DACH2: variants seen among roughly 807,000 people sequenced by gnomAD.
The protein encoded by DACH2 is dachshund homolog 2.
Under a neutral mutation model 35.8 loss-of-function variants are expected in DACH2, and 17 were observed. The observed-to-expected ratio is 0.48, with a 90% CI of 0.33 to 0.71. The LOEUF (loss-of-function observed/expected upper bound fraction) is 0.71. Among genes scored for constraint, DACH2 ranks in the 30% least tolerant of loss-of-function variants. The pLI, the probability that DACH2 is intolerant of heterozygous loss-of-function variation, is 0.02. For synonymous variants in DACH2, 195 were observed against 177.3 expected, an observed-to-expected ratio of 1.10 and a Z score of -0.79; for missense variants, 469 against 472.7, an observed-to-expected ratio of 0.99 and a Z score of 0.07.
At chrX:86,487,504 A>C (rs2038034970) in intron 2 of DACH2, among the ~76,000 whole-genome samples, 1 of 111,653 alleles carries the variant, frequency 9.0e-6, no homozygotes, top group Non-Finnish European at 1.9e-5. Flanking sequence ...GTCAGTAAAT[A>C]TTTATTTAAT....
chrX:86,758,904 T>C (rs2041853938), intron 7 of DACH2, among the ~76,000 whole-genome samples: 1 of 112,701 alleles, frequency 8.9e-6, no homozygotes, highest in African/African-American at 3.2e-5. Flanking sequence ...ATTTATCCTT[T>C]GTATTACAAA....
rs775767060 is a variant in DACH2, at chrX:86,355,297, T to C, written c.489-21527T>C. On this transcript the variant is annotated intron_variant, in intron 1 of 11. Coordinates refer to ENST00000373125, the MANE Select transcript of DACH2 (RefSeq NM_053281.3). ...CCATACATATACACATCTTTGCTATTGTGAATAGTGTGGCGATGAGCATAT... is the reference window on the plus strand; with the variant it reads ...CCATACATATACACATCTTTGCTATCGTGAATAGTGTGGCGATGAGCATAT... 2.7e-5 allele frequency among the ~76,000 whole-genome samples: 3 copies of C among 111,979 alleles called. No homozygotes were observed. In the East Asian group the frequency reaches 8.5e-4, roughly 32 times the overall value.
intron 6 of DACH2, among the ~76,000 whole-genome samples, chrX:86,738,611 T>C (rs760405204): frequency 1.8e-5 from 2 of 112,052 alleles, no homozygotes; most frequent in South Asian, 3.7e-4. Flanking sequence ...GGTTCTTTTA[T>C]TGATCAAATT....
At chrX:86,399,861 G>A (rs764147304) in intron 2 of DACH2, among the ~76,000 whole-genome samples, 1 of 110,986 alleles carries the variant, frequency 9.0e-6, no homozygotes, top group South Asian at 3.9e-4. Context: ...TATGTGTCTT[G>A]GACTTGCTGT....
At chrX:86,379,297 G>T (rs1020893756) in intron 2 of DACH2, among the ~76,000 whole-genome samples, 2 of 110,871 alleles carry the variant, frequency 1.8e-5, no homozygotes, top group Non-Finnish European at 3.8e-5. Context: ...ATAAAACAAA[G>T]TTGGTCATCT....
At chrX:86,411,690 C>T (rs966182794) in intron 2 of DACH2, among the ~76,000 whole-genome samples, 6 of 111,535 alleles carry the variant, frequency 5.4e-5, no homozygotes, top group Non-Finnish European at 7.5e-5. Context: ...TTAGTACAAG[C>T]GTATACATGC....
intron 1 of DACH2, among the ~76,000 whole-genome samples, chrX:86,157,363 T>C (rs1046958421): frequency 9.0e-6 from 1 of 111,576 alleles, no homozygotes; most frequent in African/African-American, 3.3e-5. Flanking sequence ...GCTATTTATG[T>C]GATGGGTTAA....
intron 1 of DACH2, among the ~76,000 whole-genome samples, chrX:86,209,288 G>C (rs1410970600): frequency 9.0e-6 from 1 of 111,392 alleles, no homozygotes; most frequent in Non-Finnish European, 1.9e-5. Context: ...CCCTTGAGTA[G>C]ATAACATCTT....
At chrX:86,296,920 T>A (rs182961789) in intron 1 of DACH2, among the ~76,000 whole-genome samples, 6 of 109,414 alleles carry the variant, frequency 5.5e-5, no homozygotes, top group Non-Finnish European at 1.1e-4. Flanking sequence ...AACAGGGATG[T>A]AGCACATATA....
chrX:86,331,955 G>A (rs892609041), intron 1 of DACH2, among the ~76,000 whole-genome samples: 1 of 111,482 alleles, frequency 9.0e-6, no homozygotes, highest in African/African-American at 3.3e-5. Context: ...GCGTTTATAA[G>A]ACTCAGTTTG....
chrX:86,826,898 G>A (rs749504469), intron 11 of DACH2, among the ~76,000 whole-genome samples: 2 of 112,077 alleles, frequency 1.8e-5, no homozygotes, highest in South Asian at 7.3e-4. Context: ...TAAATCAGAA[G>A]CACAGCACTA....
chrX:86,782,469 C>A (rs1371399825), intron 7 of DACH2, among the ~76,000 whole-genome samples: 1 of 111,120 alleles, frequency 9.0e-6, no homozygotes, highest in Non-Finnish European at 1.9e-5. Context: ...GCAAAAAGAA[C>A]AGAACTGGTG....
chrX:86,717,310 A>G (rs2041348549), intron 6 of DACH2, among the ~76,000 whole-genome samples: 1 of 111,160 alleles, frequency 9.0e-6, no homozygotes, highest in African/African-American at 3.3e-5. Flanking sequence ...GTTCCCACTT[A>G]TAAGTGAGAA....
In DACH2 at chrX:86,678,976, A is replaced by C. The variant is rs367643095; in HGVS notation, c.773-16045A>C. The stretch of plus-strand genomic sequence containing the variant: ...GTTCCCTTGGTATCTTAGGTTCCAG[A>C]TCTCCATGTCCTTTTATCCTCTCCT... On this transcript the variant is annotated intron_variant, in intron 4 of 11. Transcript: ENST00000373125. Among the ~76,000 whole-genome samples the C allele has an allele frequency of 2.7e-4, 30 of 111,356 alleles. No individual in the cohort carries two copies. The East Asian group carries it at 3.4e-3, about 13-fold the overall frequency.
rs775756068 is a variant in DACH2, at chrX:86,324,888, A to G, written c.489-51936A>G. 1.3e-4 allele frequency among the ~76,000 whole-genome samples: 14 copies of G among 110,771 alleles called. No homozygotes were observed. The South Asian group carries it at 5.5e-3, about 43-fold the overall frequency. ...TCAGCAGATCCCACCGTGATCAGTCAGAAGCCATCAACATATAGGACCAGC... is the reference window on the plus strand; with the variant it reads ...TCAGCAGATCCCACCGTGATCAGTCGGAAGCCATCAACATATAGGACCAGC... On this transcript the variant is annotated intron_variant, in intron 1 of 11. Transcript: ENST00000373125.
intron 1 of DACH2, among the ~76,000 whole-genome samples, chrX:86,373,013 T>C (rs1273477813): frequency 9.0e-6 from 1 of 111,347 alleles, no homozygotes; most frequent in Non-Finnish European, 1.9e-5. Flanking sequence ...TTTTGTTCTT[T>C]TTTATGGCTG....
intron 1 of DACH2, among the ~76,000 whole-genome samples, chrX:86,313,322 A>G (rs976447797): frequency 8.9e-6 from 1 of 112,027 alleles, no homozygotes; most frequent in African/African-American, 3.2e-5. Context: ...CCTTAATATG[A>G]CATTGCACAG....
At chrX:86,802,528 GAAAAAAAAAAAAAA>G (rs34700295) in intron 7 of DACH2, among the ~76,000 whole-genome samples, 1 of 63,179 alleles carries the variant, frequency 1.6e-5, no homozygotes, top group African/African-American at 5.7e-5. Flanking sequence ...TTTCTTGGTT[GAAAAAAAAAAAAAA>G]AAAAAAAAAG....
intron 6 of DACH2, among the ~76,000 whole-genome samples, chrX:86,719,425 C>T (rs1602845271): frequency 8.9e-6 from 1 of 112,086 alleles, no homozygotes; most frequent in East Asian, 2.8e-4. Flanking sequence ...TTGACTTCCC[C>T]TTTTCAATTT....
Sources: gnomAD v4.1 joint callset for allele counts (sites outside exome capture counted in the v4.1 genomes callset) on GRCh38, gnomAD v4.1.1 for gene constraint, MANE v1.5 for transcripts, NCBI Gene and HGNC (gene_info 2026-07-23, HGNC 2026-07-21) for gene names.